Variants in ZBTB16 observed in about 807,000 individuals in gnomAD.
ZBTB16 encodes zinc finger and BTB domain-containing protein 16.
A neutral mutation model predicts 56.8 loss-of-function variants in ZBTB16; 8 were observed. The ratio of observed to expected loss-of-function variants is 0.14; its 90% CI spans 0.08 to 0.25. The LOEUF (loss-of-function observed/expected upper bound fraction) is 0.25. ZBTB16 is among the 10% of genes least tolerant of loss of function. ZBTB16 has a pLI of 1.00. For missense variants in ZBTB16, 625 were observed against 903.0 expected, an observed-to-expected ratio of 0.69 and a Z score of 3.95; for synonymous variants, 363 against 368.5, an observed-to-expected ratio of 0.98 and a Z score of 0.17.
intron 4 of ZBTB16, among the ~76,000 whole-genome samples, chr11:114,241,246 C>A (rs983987683): frequency 1.5e-4 from 22 of 148,762 alleles, no homozygotes; most frequent in South Asian, 4.2e-4. Context: ...AAAAAAAAAA[C>A]AAAACAGGAT....
chr11:114,087,063 A>G (rs949993727), intron 2 of ZBTB16, among the ~76,000 whole-genome samples: 17 of 152,112 alleles, frequency 1.1e-4, no homozygotes, highest in African/African-American at 3.9e-4. Context: ...GAATCCTGAC[A>G]TTGCCACTTT....
chr11:114,245,131 A>G (rs960825742), intron 5 of ZBTB16, among the ~76,000 whole-genome samples: 1 of 152,304 alleles, frequency 6.6e-6, no homozygotes, highest in Admixed American at 6.5e-5. Context: ...ACAACTAATT[A>G]GTACCAGGGT....
rs554142816 is a variant in ZBTB16, at chr11:114,205,825, TGAA to T, written c.1453+18788_1453+18790del. Among the ~76,000 whole-genome samples the T allele has an allele frequency of 5.9e-3, 896 of 152,376 alleles. 6 individuals carry two copies. The highest frequency in any genetic ancestry group is 8.0e-3 in the Non-Finnish European group (543 of 68,036). Reference sequence around the variant, plus strand: ...ATTGACAAGGGGGAGACTCTGCATCTGAAAGCTGCCCCTTGGGCCCTAGAGTCA... The same window carrying T: ...ATTGACAAGGGGGAGACTCTGCATCTAGCTGCCCCTTGGGCCCTAGAGTCA... On this transcript the variant is annotated intron_variant, in intron 4 of 6. Transcript: ENST00000335953.
intron 4 of ZBTB16, among the ~76,000 whole-genome samples, chr11:114,192,260 A>G (rs1943513459): frequency 6.6e-6 from 1 of 152,242 alleles, no homozygotes; most frequent in African/African-American, 2.4e-5. Context: ...GTCAGGACAC[A>G]GGAACTGCCA....
At chr11:114,114,451 C>T (rs2137787472) in intron 2 of ZBTB16, among the ~76,000 whole-genome samples, 1 of 152,266 alleles carries the variant, frequency 6.6e-6, no homozygotes, top group South Asian at 2.1e-4. Flanking sequence ...ATCTTTGCTG[C>T]TGAGTTCCAG....
rs1457474201 is a variant in ZBTB16, at chr11:114,064,716, C to T, written c.1268+148C>T. The T allele has an allele frequency of 3.0e-5, 33 of 1,114,146 alleles. No individual in the cohort carries two copies. The highest frequency in any genetic ancestry group is 1.1e-4 in the African/African-American group (7 of 64,514). 69.0% of individuals were successfully genotyped at this position (1,114,146 alleles called of 1,614,324 possible). A position where few individuals can be genotyped will look rare whatever the true frequency, so the allele number is the denominator to read the frequency against. On this transcript the variant is annotated intron_variant, in intron 2 of 6. Coordinates refer to ENST00000335953, the MANE Select transcript of ZBTB16 (RefSeq NM_006006.6). The surrounding 1 kb of genome is among the most constrained non-coding windows in gnomAD (Gnocchi z 4.2). Reference sequence around the variant, plus strand: ...CAGAACACTTCTTCTAAAGTTCTGGCGGGGAGGGGAGCAGGTTTTTTAAAG... The same window carrying T: ...CAGAACACTTCTTCTAAAGTTCTGGTGGGGAGGGGAGCAGGTTTTTTAAAG...
chr11:114,242,767 C>G (rs576223157), intron 5 of ZBTB16, among the ~76,000 whole-genome samples: 1 of 152,212 alleles, frequency 6.6e-6, no homozygotes, highest in Non-Finnish European at 1.5e-5. Context: ...GATGCCCCGC[C>G]GCTCTATCCA....
chr11:114,060,153 G>T lies in ZBTB16; in HGVS notation c.-91+271G>T. ...CAGGGCACGGTCGGGGTGAGAGGTG[G>T]GGGGCGTAGCGGTGTGCGGGGGCTG... is the stretch of plus-strand genomic sequence containing the variant. On this transcript the variant is annotated intron_variant, in intron 1 of 6. Coordinates refer to ENST00000335953, the MANE Select transcript of ZBTB16 (RefSeq NM_006006.6). The surrounding 1 kb of genome is among the most constrained non-coding windows in gnomAD (Gnocchi z 6.0). 1 of 196,028 alleles carries T rather than the reference G, an allele frequency of 5.1e-6. No individual in the cohort carries two copies. Among genetic ancestry groups the T allele is most frequent in the Non-Finnish European group, 1.0e-5 (1 of 96,984 alleles). 12.1% of individuals were successfully genotyped at this position (196,028 alleles called of 1,614,324 possible).
At chr11:114,092,322 T>G (rs1221686823) in intron 2 of ZBTB16, among the ~76,000 whole-genome samples, 1 of 152,216 alleles carries the variant, frequency 6.6e-6, no homozygotes, top group Non-Finnish European at 1.5e-5. Context: ...GGGAGCCGCC[T>G]CTAGGATTGT....
At chr11:114,175,898 C>G (rs574316497) in intron 3 of ZBTB16, among the ~76,000 whole-genome samples, 1 of 152,104 alleles carries the variant, frequency 6.6e-6, no homozygotes, top group South Asian at 2.1e-4. Flanking sequence ...ACTTGGATCC[C>G]GGCCACCACC....
chr11:114,103,719 A>T (rs1940694507), intron 2 of ZBTB16, among the ~76,000 whole-genome samples: 1 of 151,996 alleles, frequency 6.6e-6, no homozygotes, highest in African/African-American at 2.4e-5. Context: ...CGGGGTGGAG[A>T]TAGAGGTAAC....
At chr11:114,119,222 AC>A (rs542395261) in intron 2 of ZBTB16, among the ~76,000 whole-genome samples, 79 of 138,012 alleles carry the variant, frequency 5.7e-4, no homozygotes, top group Non-Finnish European at 9.0e-4. Context: ...CCGAAACCAC[AC>A]CACTCCGCTC....
At chr11:114,083,807 G>A (rs1268282117) in intron 2 of ZBTB16, among the ~76,000 whole-genome samples, 3 of 151,580 alleles carry the variant, frequency 2.0e-5, no homozygotes, top group Admixed American at 6.6e-5. Flanking sequence ...CCGCCCCACC[G>A]CCAAGAATTC....
chr11:114,147,082 C>G (rs191179770), intron 2 of ZBTB16, among the ~76,000 whole-genome samples: 6 of 152,154 alleles, frequency 3.9e-5, no homozygotes, highest in Admixed American at 2.6e-4. Flanking sequence ...CTCTCCAGCT[C>G]AGAATCCTCA....
At chr11:114,156,680 C>G (rs1365106943) in intron 3 of ZBTB16, among the ~76,000 whole-genome samples, 1 of 152,164 alleles carries the variant, frequency 6.6e-6, no homozygotes, top group South Asian at 2.1e-4. Flanking sequence ...CAACCAGTGC[C>G]CTGTGTGATC....
intron 4 of ZBTB16, among the ~76,000 whole-genome samples, chr11:114,192,171 G>A (rs1238820731): frequency 6.6e-6 from 1 of 152,174 alleles, no homozygotes; most frequent in Non-Finnish European, 1.5e-5. Flanking sequence ...AATTATCTGA[G>A]TCTCAGTGTT....
At chr11:114,061,807 C>T (rs1326770261) in intron 1 of ZBTB16, among the ~76,000 whole-genome samples, 1 of 152,170 alleles carries the variant, frequency 6.6e-6, no homozygotes, top group Non-Finnish European at 1.5e-5. Flanking sequence ...ACTCACACCA[C>T]AGGTGCTGGT....
chr11:114,136,983 T>G (rs1941813742), intron 2 of ZBTB16, among the ~76,000 whole-genome samples: 1 of 152,150 alleles, frequency 6.6e-6, no homozygotes, highest in Non-Finnish European at 1.5e-5. Context: ...AGCATTTCTT[T>G]TCTGGAGGTC....
intron 2 of ZBTB16, among the ~76,000 whole-genome samples, chr11:114,125,815 C>T (rs767260729): frequency 2.6e-4 from 39 of 152,242 alleles, no homozygotes; most frequent in Non-Finnish European, 4.7e-4. Flanking sequence ...AGGTCTTTTA[C>T]GGTCCTACTT....
Sources: allele counts gnomAD v4.1 joint callset (sites outside exome capture counted in the v4.1 genomes callset), GRCh38; gene constraint gnomAD v4.1.1; non-coding constraint Gnocchi (gnomAD v3.1); transcripts MANE v1.5; gene names NCBI Gene and HGNC (gene_info 2026-07-23, HGNC 2026-07-21).